Variants in CENPK observed in about 807,000 individuals in gnomAD.
CENPK encodes centromere protein K, also known as SoxLZ/Sox6-binding protein Solt.
Under a neutral mutation model 40.9 loss-of-function variants are expected in CENPK, and 46 were observed. The ratio of observed to expected loss-of-function variants is 1.13; its 90% confidence interval spans 0.89 to 1.44. The LOEUF (loss-of-function observed/expected upper bound fraction) is 1.44, where lower values mean the gene tolerates loss of function less well. Among genes scored for constraint, CENPK ranks in the 40% most tolerant of loss-of-function variants. The pLI, the probability that CENPK is intolerant of heterozygous loss-of-function variation, is 0.00. For missense variants in CENPK, 288 were observed against 303.5 expected, an observed-to-expected ratio of 0.95 and a Z score of 0.38; for synonymous variants, 107 against 104.4, an observed-to-expected ratio of 1.02 and a Z score of -0.15.
chr5:65,542,950 A>C, intron 5 of CENPK, 102 bp from the exon 6 acceptor site: 1 of 932,472 alleles, frequency 1.1e-6, no homozygotes, highest in Non-Finnish European at 1.6e-6. Context: ...TTCCATCTCC[A>C]TTTATATAAT....
At chr5:65,533,180 G>A (rs1462993750) in intron 6 of CENPK, among the ~76,000 whole-genome samples, 7 of 151,304 alleles carry the variant, frequency 4.6e-5, no homozygotes, top group South Asian at 2.1e-4. Context: ...TGAAACCCCC[G>A]TCTCTACTAA....
chr5:65,497,379 G>GAAA, the CENPK span, among the ~76,000 whole-genome samples: 2 of 151,670 alleles, frequency 1.3e-5, no homozygotes, highest in Admixed American at 6.6e-5. Flanking sequence ...AAAAAAAAAA[G>GAAA]AAAAAAATTA....
chr5:65,512,798 C>T (rs904990474), downstream of CENPK, among the ~76,000 whole-genome samples: 4 of 152,256 alleles, frequency 2.6e-5, no homozygotes, highest in Admixed American at 6.5e-5. Flanking sequence ...ACCGTCAAAC[C>T]GTAACACTAA....
chr5:65,544,464 G>A (rs977376356), intron 5 of CENPK, among the ~76,000 whole-genome samples: 2 of 152,132 alleles, frequency 1.3e-5, no homozygotes, highest in South Asian at 4.1e-4. Context: ...GACCATTATG[G>A]AAAATAGTAT....
At chr5:65,514,148 G>A (rs554012186), downstream of CENPK, among the ~76,000 whole-genome samples, 1 of 146,928 alleles carries the variant, frequency 6.8e-6, no homozygotes, top group African/African-American at 2.5e-5. Context: ...CTATGTTCAT[G>A]AGAGATACTA....
chr5:65,535,949 C>T (rs1050828040), intron 6 of CENPK, among the ~76,000 whole-genome samples: 6 of 152,020 alleles, frequency 3.9e-5, no homozygotes, highest in Non-Finnish European at 7.4e-5. Context: ...ACTGAGTCAC[C>T]GATGGTATAA....
intron 5 of CENPK, among the ~76,000 whole-genome samples, chr5:65,545,441 G>C (rs984808456): frequency 1.3e-5 from 2 of 151,750 alleles, no homozygotes; most frequent in African/African-American, 4.8e-5. Context: ...AGTACCAAGG[G>C]AGGCAGAGGT....
chr5:65,538,368 G>C (rs1229858177), intron 6 of CENPK, among the ~76,000 whole-genome samples: 1 of 151,958 alleles, frequency 6.6e-6, no homozygotes, highest in Non-Finnish European at 1.5e-5. Flanking sequence ...TATGAATAAG[G>C]CTTTATGATG....
chr5:65,542,705 A>G (rs1004797285), intron 6 of CENPK, 97 bp downstream of exon 6: 7 of 822,388 alleles, frequency 8.5e-6, no homozygotes, highest in Non-Finnish European at 1.3e-5. Flanking sequence ...ATATGGTTTT[A>G]GAGTGGTTTT....
intron 6 of CENPK, 41 bp from the exon 7 acceptor site, chr5:65,529,240 C>T: frequency 2.3e-6 from 3 of 1,330,628 alleles, no homozygotes; most frequent in East Asian, 2.4e-5. Flanking sequence ...GGTCTTTAAT[C>T]CCAGTTTTAT....
At chr5:65,554,729 G>T in intron 3 of CENPK, 68 bp downstream of exon 3, 2 of 848,912 alleles carry the variant, frequency 2.4e-6, no homozygotes, top group Non-Finnish European at 3.9e-6. Context: ...TTTCTTTCCT[G>T]AGTCTATTTA....
chr5:65,506,655 AGT>A, the CENPK span, among the ~76,000 whole-genome samples: 1 of 152,010 alleles, frequency 6.6e-6, no homozygotes, highest in African/African-American at 2.4e-5. Flanking sequence ...CATGTTGATG[AGT>A]GTCTGTAATC....
chr5:65,537,256 A>G (rs1747077963), intron 6 of CENPK, among the ~76,000 whole-genome samples: 1 of 152,228 alleles, frequency 6.6e-6, no homozygotes, highest in Admixed American at 6.5e-5. Context: ...TTCTCCCTAC[A>G]ACTATGTATG....
intron 9 of CENPK, among the ~76,000 whole-genome samples, chr5:65,522,370 T>A (rs909917231): frequency 3.9e-5 from 6 of 152,196 alleles, no homozygotes; most frequent in Admixed American, 6.5e-5. Context: ...ACTGCTATTA[T>A]AAGGCTCAAA....
At chr5:65,504,627 C>T in the CENPK span, among the ~76,000 whole-genome samples, 2 of 151,990 alleles carry the variant, frequency 1.3e-5, no homozygotes, top group Non-Finnish European at 2.9e-5. Flanking sequence ...TAGGCTAATA[C>T]AAACTTTGTA....
At chr5:65,515,204 A>AATTTTTTTTTTT (rs35708852), downstream of CENPK, among the ~76,000 whole-genome samples, 6,733 of 123,196 alleles carry the variant, frequency 0.055, 416 homozygotes, top group African/African-American at 0.082. Context: ...TCTCAAAAAA[A>AATTTTTTTTTTT]TTTTTTTTTT....
chr5:65,554,535 G>A (rs1208298829), intron 3 of CENPK, among the ~76,000 whole-genome samples: 1 of 152,074 alleles, frequency 6.6e-6, no homozygotes, highest in Non-Finnish European at 1.5e-5. Flanking sequence ...ATCTAATATT[G>A]TATTACAACA....
the CENPK span, among the ~76,000 whole-genome samples, chr5:65,509,620 C>T: frequency 6.6e-6 from 1 of 152,096 alleles, no homozygotes; most frequent in African/African-American, 2.4e-5. Context: ...GGATTTTGTA[C>T]GGACATATTT....
the CENPK span, among the ~76,000 whole-genome samples, chr5:65,500,745 T>G: frequency 0.027 from 4,061 of 152,222 alleles, 68 homozygotes; most frequent in Non-Finnish European, 0.04. Context: ...TCGCTGCAAC[T>G]TCTGCCTCCT....
Sources: allele counts gnomAD v4.1 joint callset (sites outside exome capture counted in the v4.1 genomes callset), GRCh38; gene constraint gnomAD v4.1.1; transcripts MANE v1.5; gene names NCBI Gene and HGNC (gene_info 2026-07-23, HGNC 2026-07-21).